RBM33: variants seen among roughly 807,000 people sequenced by gnomAD.
RBM33 encodes the protein RNA-binding protein 33.
In RBM33, 28 loss-of-function variants were observed where a neutral mutation model predicts 132.6. That is an observed-to-expected ratio of 0.21 (90% CI 0.16 to 0.29). The LOEUF (loss-of-function observed/expected upper bound fraction) is 0.29. Among genes scored for constraint, RBM33 ranks in the 10% least tolerant of loss-of-function variants. The probability of loss-of-function intolerance (pLI) is 1.00; values close to 1 mark genes in which losing one functional copy is unlikely to be tolerated. For synonymous variants in RBM33, 634 were observed against 593.0 expected (o/e 1.07, Z -1.01); for missense variants, 1,291 against 1,518.5 (o/e 0.85, Z 2.49).
chr7:155,762,823 C>CGATGTT (rs1802080091), intron 14 of RBM33, among the ~76,000 whole-genome samples: 1 of 152,168 alleles, frequency 6.6e-6, no homozygotes, highest in Non-Finnish European at 1.5e-5. Context: ...CCCTCCCTGT[C>CGATGTT]GATGTTGAGA....
intron 15 of RBM33, among the ~76,000 whole-genome samples, chr7:155,765,812 C>T (rs11505248): frequency 0.18 from 26,917 of 152,138 alleles, 2,422 homozygotes; most frequent in East Asian, 0.28. Flanking sequence ...TGCTTAGGCC[C>T]GCCTTAGACC....
chr7:155,736,054 C>A (rs1801116753), intron 9 of RBM33, among the ~76,000 whole-genome samples: 1 of 152,168 alleles, frequency 6.6e-6, no homozygotes, highest in South Asian at 2.1e-4. Context: ...TATAAAGATA[C>A]AATATTTGTG....
chr7:155,700,665 T>G, intron 5 of RBM33, 108 bp from the exon 6 acceptor site: 1 of 874,260 alleles, frequency 1.1e-6, no homozygotes, highest in Non-Finnish European at 1.7e-6. Flanking sequence ...TTGCAGTATT[T>G]TTTACATCTG....
At chr7:155,678,558 G>A in intron 3 of RBM33, 50 bp from the exon 4 acceptor site, 1 of 1,192,130 alleles carries the variant, frequency 8.4e-7, no homozygotes, top group Middle Eastern at 2.0e-4. Context: ...TTTTTAACAA[G>A]TCTTTTTATG....
chr7:155,672,782 A>G, intron 2 of RBM33, 85 bp from the exon 3 acceptor site: 7 of 688,998 alleles, frequency 1.0e-5, no homozygotes, highest in Non-Finnish European at 1.4e-5. Context: ...TGAGCTGTAG[A>G]GTTCTTGGTA....
At chr7:155,766,829 CG>C in intron 16 of RBM33, 174 bp downstream of exon 16, 2 of 651,820 alleles carry the variant, frequency 3.1e-6, no homozygotes, top group Non-Finnish European at 5.2e-6. Flanking sequence ...TTGCCTCAAA[CG>C]TTTATTTTGA....
Position 155,684,870 on chromosome 7 carries a change from TA to T in RBM33, c.567+3963del, listed in dbSNP as rs1408938594. 2.7e-6 allele frequency: 4 copies of T among 1,502,402 alleles called. No homozygotes were observed. The African/African-American group carries it at 5.7e-5, about 21-fold the overall frequency. The allele number at this position is 1,502,402 out of a possible 1,614,324, so 93.1% of individuals were successfully genotyped here. ...AAGCATGAATCATAAAGACGAAAAG[TA>T]CGTAAAAAAACCACCCCAAAGCTGT... On this transcript the variant is annotated intron_variant, in intron 5 of 17. Coordinates refer to ENST00000401878, the MANE Select transcript of RBM33 (RefSeq NM_053043.3).
At chr7:155,696,140 A>G (rs1476228091) in intron 5 of RBM33, among the ~76,000 whole-genome samples, 1 of 152,188 alleles carries the variant, frequency 6.6e-6, no homozygotes, top group African/African-American at 2.4e-5. Flanking sequence ...TATCAGTACT[A>G]TACAGTCTTG....
chr7:155,674,906 A>C (rs1442547318), intron 3 of RBM33, among the ~76,000 whole-genome samples: 1 of 152,230 alleles, frequency 6.6e-6, no homozygotes, highest in Non-Finnish European at 1.5e-5. Context: ...TATAGGAATC[A>C]AGGCATTGAA....
chr7:155,695,931 C>T (rs568703389), intron 5 of RBM33, among the ~76,000 whole-genome samples: 3 of 151,868 alleles, frequency 2.0e-5, no homozygotes, highest in African/African-American at 2.4e-5. Context: ...TCAATATGTG[C>T]GCACGTGTGT....
rs1802553192 is a variant in RBM33 at position 155,774,904 on chromosome 7, C to A, written c.3465-89C>A. On this transcript the variant is annotated intron_variant, in intron 17 of 17. Coordinates refer to ENST00000401878, the MANE Select transcript of RBM33 (RefSeq NM_053043.3). This position sits in a 1 kb window ranked among gnomAD's most constrained non-coding sequence, Gnocchi z 4.2. ...ATGATGCGTTTTTATTAAACAGGAC[C>A]CACCGGGCTCTTTTAGTTTCCTCCC... is the stretch of plus-strand genomic sequence containing the variant. The A allele has an allele frequency of 8.5e-7, 1 of 1,172,732 alleles. No individual in the cohort carries two copies. Among genetic ancestry groups the A allele is most frequent in the Admixed American group, 1.8e-5 (1 of 56,504 alleles). 72.6% of individuals were successfully genotyped at this position (1,172,732 alleles called of 1,614,324 possible). A position where few individuals can be genotyped will look rare whatever the true frequency, so the allele number is the denominator to read the frequency against.
chr7:155,661,065 G>A (rs1798625217), intron 1 of RBM33, among the ~76,000 whole-genome samples: 1 of 143,692 alleles, frequency 7.0e-6, no homozygotes, highest in African/African-American at 2.6e-5. Flanking sequence ...ATTTCTATTT[G>A]GTTTTTAAAA....
Position 155,763,879 on chromosome 7 carries a change from T to G in RBM33, c.3047T>G (p.Val1016Gly), listed in dbSNP as rs762214919. 6.2e-7 allele frequency: 1 copy of G among 1,611,592 alleles called. No homozygotes were observed. Among genetic ancestry groups the G allele is most frequent in the East Asian group, 2.2e-5 (1 of 44,810 alleles). The change falls in exon 15 of 18, where the codon GTG (valine) becomes GGG (glycine). Residue 1016 changes from valine (V) to glycine (G), a missense_variant. Physicochemically the swap from Val to Gly is moderately radical, Grantham distance 109 (BLOSUM62 -3). Coordinates refer to ENST00000401878, the MANE Select transcript of RBM33 (RefSeq NM_053043.3). ...CAGCGGCTTCCCCAGCCTCCGGAAG[T>G]GGGACCACAGCCTGCCCGCAAGGTG... ...QPQRLPQPPE[V>G]GPQPARKVTL...
rs1303170636 is a variant in RBM33 at position 155,745,311 on chromosome 7, C to T, written c.2688C>T (p.Ser896=). 1.2e-6 allele frequency: 2 copies of T among 1,612,962 alleles called. No homozygotes were observed. Among genetic ancestry groups the T allele is most frequent in the Non-Finnish European group, 1.7e-6 (2 of 1,179,392 alleles). The stretch of plus-strand genomic sequence containing the variant: ...CCAAAACATCCAATTTTGTACCATC[C>T]AGTGCCAACATGCAGTATCAAGGAC... ...VQPKTSNFVP[S]SANMQYQGQQ... Residue 896 remains serine, a synonymous_variant, in exon 14 of 18, where the codon TCC becomes TCT. Transcript: ENST00000401878. This position sits in a 1 kb window ranked among gnomAD's most constrained non-coding sequence, Gnocchi z 4.1.
chr7:155,672,802 G>A (rs1175529139), intron 2 of RBM33, 65 bp from the exon 3 acceptor site: 17 of 1,026,150 alleles, frequency 1.7e-5, no homozygotes, highest in African/African-American at 6.8e-5. Flanking sequence ...AAATTTCCAA[G>A]TGATCTACAA....
Position 155,683,405 on chromosome 7 carries a change from A to G in RBM33, c.567+2497A>G, listed in dbSNP as rs570128106. Among the ~76,000 whole-genome samples, 5 of 152,322 alleles carry G rather than the reference A, an allele frequency of 3.3e-5. No individual in the cohort carries two copies. The East Asian group carries it at 9.6e-4, about 29-fold the overall frequency. ...CATTTTAGTTTATTAAATGACTTGT[A>G]TAACTGTGATTTTTGTTCTCCCTTG... is the stretch of plus-strand genomic sequence containing the variant. On this transcript the variant is annotated intron_variant, in intron 5 of 17. Transcript: ENST00000401878.
At chr7:155,665,627 A>G (rs1243422385) in intron 2 of RBM33, among the ~76,000 whole-genome samples, 1 of 152,200 alleles carries the variant, frequency 6.6e-6, no homozygotes, top group Admixed American at 6.5e-5. Context: ...TTCCATTCTA[A>G]TATGTGTAGA....
chr7:155,672,825 TATGGGAATA>T, intron 2 of RBM33, 33 bp from the exon 3 acceptor site: 2 of 1,449,798 alleles, frequency 1.4e-6, no homozygotes, highest in Non-Finnish European at 1.9e-6. Flanking sequence ...TTGCAAGTCT[TATGGGAATA>T]ATCATTGACA....
intron 1 of RBM33, among the ~76,000 whole-genome samples, chr7:155,658,929 G>A (rs1798567224): frequency 6.6e-6 from 1 of 152,152 alleles, no homozygotes; most frequent in East Asian, 1.9e-4. Flanking sequence ...TTTCTCCTCA[G>A]CTTTGTTCAT....
Sources: allele counts gnomAD v4.1 joint callset (sites outside exome capture counted in the v4.1 genomes callset), GRCh38; gene constraint gnomAD v4.1.1; non-coding constraint Gnocchi (gnomAD v3.1); transcripts MANE v1.5; gene names NCBI Gene and HGNC (gene_info 2026-07-23, HGNC 2026-07-21).